Variants in AFF3 observed in about 807,000 individuals in gnomAD.
AFF3 encodes the protein AF4/FMR2 family member 3.
A neutral mutation model predicts 129.7 loss-of-function variants in AFF3; 32 were observed. That is an observed-to-expected ratio of 0.25 (90% CI 0.19 to 0.33). The LOEUF (loss-of-function observed/expected upper bound fraction) is 0.33. AFF3 is among the 10% of genes least tolerant of loss of function. The pLI is 1.00. For missense variants in AFF3, 1,373 were observed against 1,592.0 expected (o/e 0.86, Z 2.34); for synonymous variants, 644 against 635.4 (o/e 1.01, Z -0.20).
At chr2:99,742,901 T>C (rs1381770880) in intron 10 of AFF3, among the ~76,000 whole-genome samples, 1 of 152,146 alleles carries the variant, frequency 6.6e-6, no homozygotes, top group Admixed American at 6.5e-5. Context: ...AGAAGGTGCA[T>C]TTATTCATCT....
intron 8 of AFF3, among the ~76,000 whole-genome samples, chr2:99,777,158 G>A (rs1683967740): frequency 6.6e-6 from 1 of 152,202 alleles, no homozygotes. Context: ...ACACAAAGCA[G>A]GCAGGGTGTG....
chr2:99,902,961 A>C (rs1218372340), intron 7 of AFF3, among the ~76,000 whole-genome samples: 1 of 152,170 alleles, frequency 6.6e-6, no homozygotes, highest in Non-Finnish European at 1.5e-5. Flanking sequence ...ATTTACAACT[A>C]CCAAGGACAC....
At chr2:99,572,347 T>G (rs1463273196) in intron 18 of AFF3, among the ~76,000 whole-genome samples, 9 of 123,074 alleles carry the variant, frequency 7.3e-5, no homozygotes, top group Non-Finnish European at 1.3e-4. Context: ...AGCATCAGGG[T>G]TTGAGCTACC....
At chr2:99,681,700 C>A (rs1323971972) in intron 11 of AFF3, among the ~76,000 whole-genome samples, 1 of 152,190 alleles carries the variant, frequency 6.6e-6, no homozygotes, top group African/African-American at 2.4e-5. Flanking sequence ...AGTTTCTCAA[C>A]AGACACCACA....
intron 24 of AFF3, among the ~76,000 whole-genome samples, chr2:99,552,685 A>C (rs989113891): frequency 2.6e-5 from 4 of 152,146 alleles, no homozygotes; most frequent in Non-Finnish European, 5.9e-5. Flanking sequence ...GCAGGGATCC[A>C]GGGGTAGAAC....
intron 4 of AFF3, among the ~76,000 whole-genome samples, chr2:100,045,847 T>C (rs185540273): frequency 4.1e-4 from 62 of 152,378 alleles, no homozygotes; most frequent in African/African-American, 1.4e-3. Flanking sequence ...ATCTATCATA[T>C]ATTAACAGTA....
chr2:100,056,656 T>C (rs1686813869), intron 4 of AFF3, among the ~76,000 whole-genome samples: 1 of 152,238 alleles, frequency 6.6e-6, no homozygotes, highest in African/African-American at 2.4e-5. Flanking sequence ...AAAGATCATT[T>C]TTCCTGATAA....
intron 16 of AFF3, among the ~76,000 whole-genome samples, chr2:99,585,138 A>T (rs1278271128): frequency 2.0e-5 from 3 of 152,216 alleles, no homozygotes; most frequent in Non-Finnish European, 4.4e-5. Context: ...CAGCCTGATT[A>T]TAATTGTTTC....
intron 13 of AFF3, among the ~76,000 whole-genome samples, chr2:99,611,296 A>G (rs1440812626): frequency 6.6e-6 from 1 of 152,158 alleles, no homozygotes; most frequent in African/African-American, 2.4e-5. Context: ...TGTTGGTCTC[A>G]GTATTAGCAT....
chr2:99,721,953 T>C lies in AFF3; in HGVS notation c.1091+5124A>G, dbSNP rs944113627. The stretch of plus-strand genomic sequence containing the variant: ...TATCCTACAATTCACTGAGGCTCTG[T>C]TGATTGTTTTTTAATCTTTATTCTG... On this transcript the variant is annotated intron_variant, in intron 11 of 24. Coordinates refer to ENST00000672756, the MANE Select transcript of AFF3 (RefSeq NM_001386135.1). Among the ~76,000 whole-genome samples the C allele has an allele frequency of 3.9e-5, 6 of 152,240 alleles. No individual in the cohort carries two copies. The East Asian group carries it at 5.8e-4, about 15-fold the overall frequency.
intron 7 of AFF3, among the ~76,000 whole-genome samples, chr2:99,988,548 T>C (rs975909555): frequency 2.0e-5 from 3 of 152,240 alleles, no homozygotes; most frequent in African/African-American, 7.2e-5. Context: ...ATACTAATTC[T>C]ATGGGTTGCT....
intron 8 of AFF3, among the ~76,000 whole-genome samples, chr2:99,820,785 TGTCAAAA>T (rs1687607276): frequency 1.5e-4 from 20 of 136,922 alleles, no homozygotes; most frequent in East Asian, 8.1e-4. Context: ...AAAACTTTTT[TGTCAAAA>T]TTAAGTCACA....
At chr2:99,967,432 A>G (rs148296056) in intron 7 of AFF3, among the ~76,000 whole-genome samples, 3 of 152,242 alleles carry the variant, frequency 2.0e-5, no homozygotes, top group African/African-American at 7.2e-5. Flanking sequence ...AATTTGAACC[A>G]TTCAAAACTG....
chr2:99,964,493 C>T (rs555580094), intron 7 of AFF3, among the ~76,000 whole-genome samples: 251 of 152,184 alleles, frequency 1.6e-3, no homozygotes, highest in Non-Finnish European at 2.2e-3. Context: ...ATTAAACATT[C>T]ATTTCTAAAT....
At chr2:99,608,929 A>G (rs1035889366) in intron 13 of AFF3, among the ~76,000 whole-genome samples, 1 of 152,194 alleles carries the variant, frequency 6.6e-6, no homozygotes, top group Non-Finnish European at 1.5e-5. Flanking sequence ...GAGACCTCTG[A>G]TCTATGTCCC....
intron 8 of AFF3, among the ~76,000 whole-genome samples, chr2:99,802,888 T>C (rs1289306133): frequency 6.6e-6 from 1 of 152,054 alleles, no homozygotes; most frequent in African/African-American, 2.4e-5. Flanking sequence ...AGGTGTACAA[T>C]CATATTACCA....
At chr2:99,861,745 G>A (rs189853835) in intron 7 of AFF3, among the ~76,000 whole-genome samples, 103 of 152,276 alleles carry the variant, frequency 6.8e-4, no homozygotes, top group African/African-American at 1.4e-3. Flanking sequence ...CCCAAACAGC[G>A]TAAGGTACAA....
intron 10 of AFF3, among the ~76,000 whole-genome samples, chr2:99,733,326 G>C (rs1297646001): frequency 6.7e-6 from 1 of 148,858 alleles, no homozygotes; most frequent in East Asian, 2.0e-4. Context: ...GTTGCAGTGA[G>C]CCAAGATCGC....
At position 99,603,986 on chromosome 2, in the gene AFF3, C is replaced by T. The variant is rs536421144; in HGVS notation, c.1185-2365G>A. On this transcript the variant is annotated intron_variant, in intron 13 of 24. Transcript: ENST00000672756. ...AAAATCCAAAAATAATAGGTGTTGGCGAGGTTGTGGAGAAAAAGGAACCCT... is the reference window on the plus strand; with the variant it reads ...AAAATCCAAAAATAATAGGTGTTGGTGAGGTTGTGGAGAAAAAGGAACCCT... Among the ~76,000 whole-genome samples the T allele has an allele frequency of 3.9e-5, 6 of 152,168 alleles. No individual in the cohort carries two copies. In the East Asian group the frequency reaches 9.7e-4, roughly 25 times the overall value.
Sources: allele counts gnomAD v4.1 joint callset (sites outside exome capture counted in the v4.1 genomes callset), GRCh38; gene constraint gnomAD v4.1.1; transcripts MANE v1.5; gene names NCBI Gene and HGNC (gene_info 2026-07-23, HGNC 2026-07-21).